The following PRORP variants were observed in gnomAD, a reference collection of about 807,000 sequenced individuals.
PRORP encodes mitochondrial ribonuclease P catalytic subunit.
In PRORP, 51 loss-of-function variants were observed where a neutral mutation model predicts 59.4. The observed-to-expected ratio is 0.86, with a 90% CI of 0.69 to 1.08. PRORP has a LOEUF of 1.08. Ranked by LOEUF, PRORP falls within the 50% of genes least tolerant of loss-of-function variation. The pLI is 0.00. For synonymous variants in PRORP, 231 were observed against 245.6 expected (o/e 0.94, Z 0.55); for missense variants, 646 against 690.3 (o/e 0.94, Z 0.72).
intron 5 of PRORP, among the ~76,000 whole-genome samples, chr14:35,233,844 A>C (rs994091065): frequency 6.6e-6 from 1 of 152,144 alleles, no homozygotes; most frequent in Admixed American, 6.5e-5. Flanking sequence ...AATTGGTAAG[A>C]AGTCTGTGCT....
intron 5 of PRORP, among the ~76,000 whole-genome samples, chr14:35,200,436 C>A (rs984674268): frequency 2.6e-5 from 4 of 152,158 alleles, no homozygotes; most frequent in Admixed American, 2.6e-4. Flanking sequence ...GTGATCTGCC[C>A]ACCTTGGCCT....
intron 4 of PRORP, among the ~76,000 whole-genome samples, chr14:35,151,112 A>G (rs1287360409): frequency 6.6e-6 from 1 of 152,128 alleles, no homozygotes; most frequent in Non-Finnish European, 1.5e-5. Flanking sequence ...ATAATCATCT[A>G]CTAAGTGAAT....
intron 5 of PRORP, among the ~76,000 whole-genome samples, chr14:35,219,611 G>A (rs909634822): frequency 6.6e-6 from 1 of 152,112 alleles, no homozygotes; most frequent in African/African-American, 2.4e-5. Context: ...GACATTTGGG[G>A]GTGCCTAATG....
intron 5 of PRORP, among the ~76,000 whole-genome samples, chr14:35,263,264 A>G (rs1566535819): frequency 6.6e-6 from 1 of 152,202 alleles, no homozygotes; most frequent in Non-Finnish European, 1.5e-5. Flanking sequence ...TTTATGATGG[A>G]TGAAAATGGA....
chr14:35,178,051 G>T (rs991833124), intron 4 of PRORP, among the ~76,000 whole-genome samples: 1 of 151,962 alleles, frequency 6.6e-6, no homozygotes, highest in Admixed American at 6.6e-5. Context: ...GTAGTTGAGC[G>T]GTTGAGTGAG....
intron 4 of PRORP, among the ~76,000 whole-genome samples, chr14:35,135,451 C>T (rs966393643): frequency 2.6e-5 from 4 of 152,060 alleles, no homozygotes; most frequent in Non-Finnish European, 5.9e-5. Context: ...CCTACAGAGC[C>T]TGAAATATTT....
At chr14:35,158,266 T>G (rs552264006) in intron 4 of PRORP, 9 of 242,562 alleles carry the variant, frequency 3.7e-5, no homozygotes, top group African/African-American at 2.1e-4. Flanking sequence ...AGTTTTCTCC[T>G]TTCATAGTGG....
Position 35,220,008 on chromosome 14 carries a change from A to C in PRORP, c.1275+39231A>C, listed in dbSNP as rs1304824518. ...TCTGTGTGTTGTCTCTTTTTGTCTCAAAAGGTCATTGGATTTAATACCCAC... is the reference window on the plus strand; with the variant it reads ...TCTGTGTGTTGTCTCTTTTTGTCTCCAAAGGTCATTGGATTTAATACCCAC... On this transcript the variant is annotated intron_variant, in intron 5 of 7. Transcript: ENST00000534898. 6.8e-4 allele frequency among the ~76,000 whole-genome samples: 104 copies of C among 152,172 alleles called. 1 individual carries two copies. Among genetic ancestry groups the C allele is most frequent in the Non-Finnish European group, 7.3e-5 (5 of 68,036 alleles).
At chr14:35,252,125 A>C (rs1034200132) in intron 5 of PRORP, among the ~76,000 whole-genome samples, 1 of 152,208 alleles carries the variant, frequency 6.6e-6, no homozygotes, top group Non-Finnish European at 1.5e-5. Flanking sequence ...TATTAACATG[A>C]AACCAGAAGT....
chr14:35,221,604 A>G (rs2049785614), intron 5 of PRORP, among the ~76,000 whole-genome samples: 1 of 152,198 alleles, frequency 6.6e-6, no homozygotes, highest in African/African-American at 2.4e-5. Flanking sequence ...GGACATAAAC[A>G]CAAAATCTAT....
chr14:35,219,862 A>ATTGT (rs1003651710), intron 5 of PRORP, among the ~76,000 whole-genome samples: 3 of 151,982 alleles, frequency 2.0e-5, no homozygotes, highest in African/African-American at 7.2e-5. Flanking sequence ...TATTTTTTGA[A>ATTGT]TTGTTTGTTT....
At position 35,152,407 on chromosome 14, in the gene PRORP, G is replaced by A. The variant is rs1030756584; in HGVS notation, c.1167+24796G>A. 4.6e-5 allele frequency among the ~76,000 whole-genome samples: 7 copies of A among 152,106 alleles called. No individual in the cohort carries two copies. The South Asian group carries it at 6.2e-4, about 14-fold the overall frequency. Reference sequence around the variant, plus strand: ...TCCCCCTTTTCTATTCCACAAAACCGCCATCATCATCATGGCCCGTTCTCA... The same window carrying A: ...TCCCCCTTTTCTATTCCACAAAACCACCATCATCATCATGGCCCGTTCTCA... On this transcript the variant is annotated intron_variant, in intron 4 of 7. Transcript: ENST00000534898.
chr14:35,125,417 T>A (rs2047073887), intron 2 of PRORP, among the ~76,000 whole-genome samples: 1 of 152,190 alleles, frequency 6.6e-6, no homozygotes, highest in Non-Finnish European at 1.5e-5. Flanking sequence ...ACTTATTTTT[T>A]AAAATTAATA....
At chr14:35,266,936 T>C in intron 6 of PRORP, 61 bp downstream of exon 6, 1 of 1,562,332 alleles carries the variant, frequency 6.4e-7, no homozygotes, top group Non-Finnish European at 8.8e-7. Flanking sequence ...TGCTTGTTAG[T>C]TACCTACTTT....
intron 4 of PRORP, among the ~76,000 whole-genome samples, chr14:35,134,933 G>A (rs2047335867): frequency 6.6e-6 from 1 of 152,204 alleles, no homozygotes; most frequent in African/African-American, 2.4e-5. Context: ...CCATGGTGGT[G>A]AGGCTTGTGG....
In PRORP at chr14:35,270,130, T is replaced by A. The variant is rs539183169; in HGVS notation, c.1425-271T>A. Among the ~76,000 whole-genome samples, 59 of 152,296 alleles carry A rather than the reference T, an allele frequency of 3.9e-4. 1 individual carries two copies. Among genetic ancestry groups the A allele is most frequent in the South Asian group, 1.2e-3 (6 of 4,820 alleles). On this transcript the variant is annotated intron_variant, in intron 6 of 7. Coordinates refer to ENST00000534898, the MANE Select transcript of PRORP (RefSeq NM_014672.4). Reference sequence around the variant, plus strand: ...GCAACTTTTAAGTGTGAAGAGAGCATTGTTAGAATTCATCGTTCTAGTGGA... The same window carrying A: ...GCAACTTTTAAGTGTGAAGAGAGCAATGTTAGAATTCATCGTTCTAGTGGA...
At chr14:35,222,890 C>T (rs1285847431) in intron 5 of PRORP, 2 of 152,176 alleles carry the variant, frequency 1.3e-5, no homozygotes, top group East Asian at 3.8e-4. Context: ...CATTTTTCCC[C>T]ATCAGAGTCA....
At chr14:35,182,764 A>T (rs149706279) in intron 5 of PRORP, among the ~76,000 whole-genome samples, 1 of 152,344 alleles carries the variant, frequency 6.6e-6, no homozygotes, top group East Asian at 1.9e-4. Context: ...AGTTGGTAAT[A>T]TTCAGTGTTT....
intron 4 of PRORP, among the ~76,000 whole-genome samples, chr14:35,159,323 C>T (rs540908897): frequency 1.3e-5 from 2 of 152,208 alleles, no homozygotes; most frequent in South Asian, 4.2e-4. Context: ...TTCTTTTTCC[C>T]CTCATCTAAA....
Sources: allele counts gnomAD v4.1 joint callset (sites outside exome capture counted in the v4.1 genomes callset), GRCh38; gene constraint gnomAD v4.1.1; transcripts MANE v1.5; gene names NCBI Gene and HGNC (gene_info 2026-07-23, HGNC 2026-07-21).